Variants in SPACA7 observed in about 807,000 individuals in gnomAD.
SPACA7 encodes the protein sperm acrosome-associated protein 7.
Under a neutral mutation model 26.3 loss-of-function variants are expected in SPACA7, and 19 were observed. The observed-to-expected ratio is 0.72, with a 90% CI of 0.50 to 1.06. The LOEUF (loss-of-function observed/expected upper bound fraction) is 1.06, where lower values mean the gene tolerates loss of function less well. Ranked by LOEUF, SPACA7 falls within the 50% of genes least tolerant of loss-of-function variation. The probability of loss-of-function intolerance (pLI) is 0.00; values close to 1 mark genes in which losing one functional copy is unlikely to be tolerated. For missense variants in SPACA7, 211 were observed against 229.9 expected (o/e 0.92, Z 0.53); for synonymous variants, 84 against 84.5 (o/e 0.99, Z 0.04).
chr13:112,383,193 GAAAA>G (rs1884312919), intron 1 of SPACA7, among the ~76,000 whole-genome samples: 2 of 135,008 alleles, frequency 1.5e-5, no homozygotes, highest in Admixed American at 1.5e-4. Flanking sequence ...AAGAAAGAAA[GAAAA>G]GAAAGAAAGA....
At chr13:112,405,221 A>G (rs1885911090) in intron 5 of SPACA7, among the ~76,000 whole-genome samples, 1 of 151,010 alleles carries the variant, frequency 6.6e-6, no homozygotes, top group African/African-American at 2.4e-5. Context: ...TACCTCATTA[A>G]TTTCTGCCTT....
intron 1 of SPACA7, among the ~76,000 whole-genome samples, chr13:112,379,561 G>C (rs1025497696): frequency 2.6e-5 from 4 of 152,194 alleles, no homozygotes; most frequent in African/African-American, 9.6e-5. Flanking sequence ...AGTAAGGACA[G>C]TGAAAATTTC....
intron 1 of SPACA7, among the ~76,000 whole-genome samples, chr13:112,383,131 AAGAAAGAAAGAAAG>A (rs1466544053): frequency 0.072 from 3,861 of 53,408 alleles, 161 homozygotes; most frequent in Admixed American, 0.082. Context: ...AAAAGAAAGA[AAGAAAGAAAGAAAG>A]AAAGAAAGAA....
intron 4 of SPACA7, among the ~76,000 whole-genome samples, chr13:112,400,765 C>T (rs1187319802): frequency 6.6e-6 from 1 of 152,208 alleles, no homozygotes; most frequent in African/African-American, 2.4e-5. Flanking sequence ...ATTTCAAACA[C>T]AGCTGCAGTG....
rs554571959 is a variant in SPACA7 at position 112,382,106 on chromosome 13, G to A, written c.94+5627G>A. Among the ~76,000 whole-genome samples, 8 of 152,292 alleles carry A rather than the reference G, an allele frequency of 5.3e-5. No homozygotes were observed. In the East Asian group the frequency reaches 1.2e-3, roughly 22 times the overall value. Reference sequence around the variant, plus strand: ...TTCTCCCAAGGTTAGTTCAGCCTACGCCCAGGAGTAAACAAGGACAGATTG... The same window carrying A: ...TTCTCCCAAGGTTAGTTCAGCCTACACCCAGGAGTAAACAAGGACAGATTG... On this transcript the variant is annotated intron_variant, in intron 1 of 6. Transcript: ENST00000283550.
chr13:112,428,274 G>A (rs1876734903), intron 5 of SPACA7, among the ~76,000 whole-genome samples: 1 of 152,112 alleles, frequency 6.6e-6, no homozygotes, highest in Admixed American at 6.5e-5. Flanking sequence ...TTGATCCATA[G>A]GTTGTTTAGA....
intron 5 of SPACA7, among the ~76,000 whole-genome samples, chr13:112,424,001 C>T (rs1876266310): frequency 6.6e-6 from 1 of 152,164 alleles, no homozygotes; most frequent in African/African-American, 2.4e-5. Flanking sequence ...TGGAAAAGGC[C>T]AAGCGTTTCA....
intron 5 of SPACA7, among the ~76,000 whole-genome samples, chr13:112,425,527 T>G (rs1876454252): frequency 6.6e-6 from 1 of 152,190 alleles, no homozygotes; most frequent in Non-Finnish European, 1.5e-5. Flanking sequence ...AAAGTCCATT[T>G]ATTCGATTGG....
chr13:112,417,010 T>C (rs965192804), intron 5 of SPACA7, among the ~76,000 whole-genome samples: 5 of 151,920 alleles, frequency 3.3e-5, no homozygotes, highest in Admixed American at 6.5e-5. Flanking sequence ...CCTTGATTTA[T>C]ACTTTTTTTT....
At chr13:112,384,539 G>A (rs1594243384) in intron 1 of SPACA7, among the ~76,000 whole-genome samples, 1 of 152,048 alleles carries the variant, frequency 6.6e-6, no homozygotes, top group Non-Finnish European at 1.5e-5. Flanking sequence ...TAAATATTAG[G>A]TTAGAAATAG....
chr13:112,400,572 T>C (rs11164159), intron 4 of SPACA7, among the ~76,000 whole-genome samples: 85,234 of 152,048 alleles, frequency 0.56, 24,129 homozygotes, highest in South Asian at 0.67. Flanking sequence ...ACTGGATGCT[T>C]GCTAAGTTCA....
rs1566453253 is a variant in SPACA7, at chr13:112,383,135, AAGAAAGAAAGAAAG to A, written c.94+6658_94+6671del. ...GAAAAGAAAAGAAAAGAAAGAAAGAAAGAAAGAAAGAAAGAAAGAAAGAAAGAAAGAAAGAAAGA... is the reference window on the plus strand; with the variant it reads ...GAAAAGAAAAGAAAAGAAAGAAAGAAAAAGAAAGAAAGAAAGAAAGAAAGA... On this transcript the variant is annotated intron_variant, in intron 1 of 6. Coordinates refer to ENST00000283550, the MANE Select transcript of SPACA7 (RefSeq NM_145248.5). 1.1e-4 allele frequency among the ~76,000 whole-genome samples: 2 copies of A among 17,556 alleles called. 1 individual carries two copies. The highest frequency in any genetic ancestry group is 1.3e-3 in the Admixed American group (2 of 1,526). 11.5% of individuals were successfully genotyped at this position (17,556 alleles called of 152,430 possible).
In SPACA7 at chr13:112,434,675, C is replaced by A. The variant is rs1877564221; in HGVS notation, c.*126C>A. On this transcript the variant is annotated 3_prime_UTR_variant, in exon 7 of 7. Transcript: ENST00000283550. ...TGAACCATTCCACATAAAGGAAAAT[C>A]GTTTATTCACACGATCCCAATTGGA... 1 of 725,372 alleles carries A rather than the reference C, an allele frequency of 1.4e-6. No homozygotes were observed. Among genetic ancestry groups the A allele is most frequent in the Non-Finnish European group, 2.3e-6 (1 of 434,920 alleles). 44.9% of individuals were successfully genotyped at this position (725,372 alleles called of 1,614,324 possible). A position where few individuals can be genotyped will look rare whatever the true frequency, so the allele number is the denominator to read the frequency against.
chr13:112,413,967 G>A (rs538133397), intron 5 of SPACA7, among the ~76,000 whole-genome samples: 15 of 152,266 alleles, frequency 9.9e-5, no homozygotes, highest in Admixed American at 3.3e-4. Context: ...GAAGGCAAGG[G>A]GAACCAGTGT....
At chr13:112,430,170 C>CTGTGTGTGTGTGTGTG (rs1437758497) in intron 5 of SPACA7, among the ~76,000 whole-genome samples, 21 of 115,078 alleles carry the variant, frequency 1.8e-4, no homozygotes, top group African/African-American at 6.0e-4. Context: ...TTGCATCTCT[C>CTGTGTGTGTGTGTGTG]TCTCTGTGTG....
At chr13:112,396,911 G>A (rs1298921946) in intron 2 of SPACA7, among the ~76,000 whole-genome samples, 1 of 152,196 alleles carries the variant, frequency 6.6e-6, no homozygotes, top group Non-Finnish European at 1.5e-5. Context: ...CAGGGCAGGA[G>A]GCGGGGGTGC....
intron 1 of SPACA7, among the ~76,000 whole-genome samples, chr13:112,389,310 C>G (rs1884727110): frequency 6.6e-6 from 1 of 152,184 alleles, no homozygotes; most frequent in Admixed American, 6.5e-5. Flanking sequence ...GGTGGCTTCA[C>G]TATAACACCA....
chr13:112,425,937 G>A (rs1310644132), intron 5 of SPACA7, among the ~76,000 whole-genome samples: 2 of 152,188 alleles, frequency 1.3e-5, no homozygotes, highest in Admixed American at 1.3e-4. Context: ...TTTCAGCATT[G>A]TATCCTTAAC....
intron 5 of SPACA7, among the ~76,000 whole-genome samples, chr13:112,416,640 T>G (rs1381222545): frequency 1.3e-5 from 2 of 152,196 alleles, no homozygotes; most frequent in Admixed American, 6.5e-5. Flanking sequence ...TTGCCTAATT[T>G]CAATTAGGCA....
Sources: gnomAD v4.1 joint callset for allele counts (sites outside exome capture counted in the v4.1 genomes callset) on GRCh38, gnomAD v4.1.1 for gene constraint, MANE v1.5 for transcripts, NCBI Gene and HGNC (gene_info 2026-07-23, HGNC 2026-07-21) for gene names.